Variants in OR2T34 observed in about 807,000 individuals in gnomAD.
OR2T34 encodes olfactory receptor family 2 subfamily T member 34, also known as olfactory receptor 2T34.
For missense variants in OR2T34, 200 were observed against 384.5 expected (o/e 0.52, Z 4.01); for synonymous variants, 73 against 151.2 (o/e 0.48, Z 3.79).
In OR2T34 at chr1:248,574,479, T is replaced by A. The variant is rs1659725935; in HGVS notation, c.279A>T (p.Gly93=). 6.3e-7 allele frequency: 1 copy of A among 1,583,546 alleles called. No homozygotes were observed. Among genetic ancestry groups the A allele is most frequent in the African/African-American group, 1.5e-5 (1 of 68,822 alleles). Residue 93 remains glycine (G), a synonymous_variant, in exon 1 of 1, where the codon GGA becomes GGT. Transcript: ENST00000328782. The part of the protein sequence containing the change: ...VPKMLVGQVT[G]DDTISPSGCG... ...AGCCTGACGGGGAAATGGTATCATC[T>A]CCAGTGACCTGGCCCACAAGCATCT...
At position 248,574,465 on chromosome 1, in the gene OR2T34, G is replaced by A; in HGVS notation, c.293C>T (p.Ser98Phe). 6.3e-7 allele frequency: 1 copy of A among 1,586,160 alleles called. No individual in the cohort carries two copies. The highest frequency in any genetic ancestry group is 1.1e-5 in the South Asian group (1 of 90,040). The change falls in exon 1 of 1, where the codon TCC (serine) becomes TTC (phenylalanine). Residue 98 changes from serine (S) to phenylalanine (F), a missense_variant. By Grantham distance (155) the Ser-to-Phe change is radical (BLOSUM62 -2). Transcript: ENST00000328782. ...VGQVTGDDTISPSGCGIQMFF... is the reference protein window; with the variant it reads ...VGQVTGDDTIFPSGCGIQMFF... ...CATCTGGATCCCACAGCCTGACGGG[G>A]AAATGGTATCATCTCCAGTGACCTG...
rs557304233 is a variant in OR2T34, at chr1:248,574,163, G to C, written c.595C>G (p.Leu199Val). The change falls in exon 1 of 1, where the codon CTC becomes GTC. Residue 199 changes from leucine to valine, a missense_variant. Transcript: ENST00000328782. ...CACAGGTACGTGAGCATCTTATAGA[G>C]GGAGACGTCAGAGCAGGAGAGCTTC... ...LLKLSCSDVS[L>V]YKMLTYLCCI... 1 of 1,607,076 alleles carries C rather than the reference G, an allele frequency of 6.2e-7. No homozygotes were observed. The highest frequency in any genetic ancestry group is 2.2e-5 in the East Asian group (1 of 44,874).
At position 248,574,698 on chromosome 1, in the gene OR2T34, C is replaced by T. The variant is rs562220823; in HGVS notation, c.60G>A (p.Thr20=). The T allele has an allele frequency of 3.0e-5, 47 of 1,568,366 alleles. No individual in the cohort carries two copies. The Admixed American group carries it at 6.3e-4, about 21-fold the overall frequency. The change falls in exon 1 of 1, where the codon ACG becomes ACA. Residue 20 remains threonine, a synonymous_variant. Coordinates refer to ENST00000328782, the MANE Select transcript of OR2T34 (RefSeq NM_001001821.1). The part of the protein sequence containing the change: ...NQTASTDFTL[T]GLFAESKHAA... Reference sequence around the variant, plus strand: ...CATGCTTGCTCTCAGCAAAGAGTCCCGTGAGGGTGAAATCAGTGCTTGCTG... The same window carrying T: ...CATGCTTGCTCTCAGCAAAGAGTCCTGTGAGGGTGAAATCAGTGCTTGCTG...
chr1:248,574,193 G>A lies in OR2T34; in HGVS notation c.565C>T (p.Leu189=). 14 of 1,607,570 alleles carry A rather than the reference G, an allele frequency of 8.7e-6. No individual in the cohort carries two copies. The highest frequency in any genetic ancestry group is 2.2e-5 in the East Asian group (1 of 44,860). The change falls in exon 1 of 1, where the codon CTG becomes TTG. Residue 189 remains leucine, a synonymous_variant. Transcript: ENST00000328782. The stretch of plus-strand genomic sequence containing the variant: ...ACGTCAGAGCAGGAGAGCTTCAGCA[G>A]GGCAGGAGTCTCACAGAAAAAACTC... The part of the protein sequence containing the change: ...ILSFFCETPA[L]LKLSCSDVSL...
chr1:248,574,141 A>T lies in OR2T34; in HGVS notation c.617T>A (p.Leu206Gln). The change falls in exon 1 of 1, where the codon CTG becomes CAG. Residue 206 changes from leucine to glutamine, a missense_variant. Leu to Gln is a moderately radical substitution (Grantham distance 113). Transcript: ENST00000328782. ...DVSLYKMLTY[L>Q]CCILMLLTPI... ...GGTGAGAAGCATGAGGATGCAGCACAGGTACGTGAGCATCTTATAGAGGGA... is the reference window on the plus strand; with the variant it reads ...GGTGAGAAGCATGAGGATGCAGCACTGGTACGTGAGCATCTTATAGAGGGA... 1 of 1,607,038 alleles carries T rather than the reference A, an allele frequency of 6.2e-7. No individual in the cohort carries two copies. Among genetic ancestry groups the T allele is most frequent in the South Asian group, 1.1e-5 (1 of 91,074 alleles).
At position 248,574,055 on chromosome 1, in the gene OR2T34, A is replaced by T. The variant is rs1373178251; in HGVS notation, c.703T>A (p.Ser235Thr). Reference protein sequence around the residue: ...LILHLIHRMNSAAGRRKALAT... With the variant: ...LILHLIHRMNTAAGRRKALAT... ...AAGGCCTTCCTGCGGCCGGCGGCAGAATTCATCCTGTGGATGAGATGCAGG... is the reference window on the plus strand; with the variant it reads ...AAGGCCTTCCTGCGGCCGGCGGCAGTATTCATCCTGTGGATGAGATGCAGG... Residue 235 changes from serine to threonine, a missense_variant, in exon 1 of 1, where the codon TCT becomes ACT. By Grantham distance (58) the Ser-to-Thr change is moderately conservative. Coordinates refer to ENST00000328782, the MANE Select transcript of OR2T34 (RefSeq NM_001001821.1). The T allele has an allele frequency of 6.2e-7, 1 of 1,604,236 alleles. No homozygotes were observed. Among genetic ancestry groups the T allele is most frequent in the Non-Finnish European group, 8.5e-7 (1 of 1,178,866 alleles).
chr1:248,574,314 G>A lies in OR2T34; in HGVS notation c.444C>T (p.Leu148=), dbSNP rs150241261. The A allele has an allele frequency of 2.8e-5, 44 of 1,583,442 alleles. 1 individual carries two copies. In the African/African-American group the frequency reaches 6.3e-4, roughly 23 times the overall value. Residue 148 remains leucine (L), a synonymous_variant, in exon 1 of 1, where the codon CTC becomes CTT. Coordinates refer to ENST00000328782, the MANE Select transcript of OR2T34 (RefSeq NM_001001821.1). ...PLLMNQRVCQ[L]LVSACWVLGM... is the part of the protein sequence containing the mutation. ...CCAAAACCCAGCAGGCTGACACCAG[G>A]AGCTGGCACACCCTCTGGTTCATCA...
Position 248,574,027 on chromosome 1 carries a change from G to T in OR2T34, c.731C>A (p.Ala244Asp), listed in dbSNP as rs763406374. ...TATGATCATGTGGGAGGAGCAGGTG[G>T]CCAAGGCCTTCCTGCGGCCGGCGGC... ...NSAAGRRKAL[A>D]TCSSHMIIVL... Residue 244 changes from alanine to aspartate, a missense_variant, in exon 1 of 1, where the codon GCC (alanine) becomes GAC (aspartate). Ala to Asp is a moderately radical substitution (Grantham distance 126). Transcript: ENST00000328782. 19 of 1,592,910 alleles carry T rather than the reference G, an allele frequency of 1.2e-5. No individual in the cohort carries two copies. The highest frequency in any genetic ancestry group is 1.5e-5 in the Non-Finnish European group (18 of 1,174,170).
In OR2T34 at chr1:248,574,070, T is replaced by C; in HGVS notation, c.688A>G (p.Ile230Val). The change falls in exon 1 of 1, where the codon ATC becomes GTC. Residue 230 changes from isoleucine to valine, a missense_variant. Ile to Val is a conservative substitution (Grantham distance 29). Transcript: ENST00000328782. The part of the protein sequence containing the change: ...SSSYTLILHL[I>V]HRMNSAAGRR... ...CCGGCGGCAGAATTCATCCTGTGGA[T>C]GAGATGCAGGATGAGGGTGTATGAG... is the stretch of plus-strand genomic sequence containing the variant. 6.2e-7 allele frequency: 1 copy of C among 1,600,898 alleles called. No individual in the cohort carries two copies. The highest frequency in any genetic ancestry group is 1.1e-5 in the South Asian group (1 of 90,936).
chr1:248,574,135 C>A lies in OR2T34; in HGVS notation c.623G>T (p.Cys208Phe), dbSNP rs775871954. The A allele has an allele frequency of 2.8e-5, 45 of 1,606,876 alleles. No homozygotes were observed. The East Asian group carries it at 9.8e-4, about 35-fold the overall frequency. ...GATGGGGGTGAGAAGCATGAGGATG[C>A]AGCACAGGTACGTGAGCATCTTATA... is the stretch of plus-strand genomic sequence containing the variant. Reference protein sequence around the residue: ...SLYKMLTYLCCILMLLTPIMV... With the variant: ...SLYKMLTYLCFILMLLTPIMV... Residue 208 changes from cysteine (C) to phenylalanine (F), a missense_variant, in exon 1 of 1, where the codon TGC (cysteine) becomes TTC (phenylalanine). Physicochemically the swap from Cys to Phe is radical, Grantham distance 205 (BLOSUM62 -2). Transcript: ENST00000328782.
In OR2T34 at chr1:248,574,011, G is replaced by C. The variant is rs143585056; in HGVS notation, c.747C>G (p.His249Gln). The change falls in exon 1 of 1, where the codon CAC (histidine) becomes CAG (glutamine). Residue 249 changes from histidine to glutamine, a missense_variant. Coordinates refer to ENST00000328782, the MANE Select transcript of OR2T34 (RefSeq NM_001001821.1). The stretch of plus-strand genomic sequence containing the variant: ...CGAAGAGCAGCAGCACTATGATCAT[G>C]TGGGAGGAGCAGGTGGCCAAGGCCT... ...RRKALATCSS[H>Q]MIIVLLLFGA... 9.5e-6 allele frequency: 15 copies of C among 1,585,274 alleles called. No individual in the cohort carries two copies. Among genetic ancestry groups the C allele is most frequent in the South Asian group, 4.4e-5 (4 of 90,464 alleles).
rs1659714008 is a variant in OR2T34, at chr1:248,574,104, G to T, written c.654C>A (p.Val218=). The T allele has an allele frequency of 6.2e-7, 1 of 1,606,632 alleles. No individual in the cohort carries two copies. Among genetic ancestry groups the T allele is most frequent in the Non-Finnish European group, 8.5e-7 (1 of 1,179,740 alleles). Residue 218 remains valine (V), a synonymous_variant, in exon 1 of 1, where the codon GTC becomes GTA. Transcript: ENST00000328782. ...CILMLLTPIM[V]ISSSYTLILH... ...GGATGAGGGTGTATGAGCTGGAGATGACCATGATGGGGGTGAGAAGCATGA... is the reference window on the plus strand; with the variant it reads ...GGATGAGGGTGTATGAGCTGGAGATTACCATGATGGGGGTGAGAAGCATGA...
In OR2T34 at chr1:248,574,229, T is replaced by C. The variant is rs1659718791; in HGVS notation, c.529A>G (p.Arg177Gly). The part of the protein sequence containing the change: ...ITMSFPFCQS[R>G]KILSFFCETP... ...TCACAGAAAAAACTCAGGATTTTCCTAGACTGGCAAAAGGGGAAGCTCATG... is the reference window on the plus strand; with the variant it reads ...TCACAGAAAAAACTCAGGATTTTCCCAGACTGGCAAAAGGGGAAGCTCATG... Residue 177 changes from arginine (R) to glycine (G), a missense_variant, in exon 1 of 1, where the codon AGG becomes GGG. Arg to Gly is a moderately radical substitution (Grantham distance 125, BLOSUM62 -2). Transcript: ENST00000328782. 1 of 1,606,296 alleles carries C rather than the reference T, an allele frequency of 6.2e-7. No homozygotes were observed.
rs757743245 is a variant in OR2T34 at position 248,574,177 on chromosome 1, C to G, written c.581G>C (p.Cys194Ser). Residue 194 changes from cysteine (C) to serine (S), a missense_variant, in exon 1 of 1, where the codon TGC becomes TCC. By Grantham distance (112) the Cys-to-Ser change is moderately radical (BLOSUM62 -1). Coordinates refer to ENST00000328782, the MANE Select transcript of OR2T34 (RefSeq NM_001001821.1). The part of the protein sequence containing the change: ...CETPALLKLS[C>S]SDVSLYKMLT... ...CATCTTATAGAGGGAGACGTCAGAG[C>G]AGGAGAGCTTCAGCAGGGCAGGAGT... The G allele has an allele frequency of 6.2e-7, 1 of 1,607,396 alleles. No individual in the cohort carries two copies. The highest frequency in any genetic ancestry group is 8.5e-7 in the Non-Finnish European group (1 of 1,179,670).
chr1:248,574,178 A>C lies in OR2T34; in HGVS notation c.580T>G (p.Cys194Gly). ...ATCTTATAGAGGGAGACGTCAGAGC[A>C]GGAGAGCTTCAGCAGGGCAGGAGTC... ...CETPALLKLS[C>G]SDVSLYKMLT... The change falls in exon 1 of 1, where the codon TGC (cysteine) becomes GGC (glycine). Residue 194 changes from cysteine to glycine, a missense_variant. Coordinates refer to ENST00000328782, the MANE Select transcript of OR2T34 (RefSeq NM_001001821.1). The C allele has an allele frequency of 1.2e-6, 2 of 1,607,488 alleles. No homozygotes were observed. Among genetic ancestry groups the C allele is most frequent in the East Asian group, 2.2e-5 (1 of 44,870 alleles).
In OR2T34 at chr1:248,574,424, G is replaced by T. The variant is rs1169047264; in HGVS notation, c.334C>A (p.Leu112Met). Residue 112 changes from leucine to methionine, a missense_variant, in exon 1 of 1, where the codon CTG becomes ATG. Coordinates refer to ENST00000328782, the MANE Select transcript of OR2T34 (RefSeq NM_001001821.1). The part of the protein sequence containing the change: ...CGIQMFFHLT[L>M]AGAEVFLLAA... ...AGGAGGAAAACCTCAGCTCCAGCCAGGGTCAGGTGGAAGAACATCTGGATC... is the reference window on the plus strand; with the variant it reads ...AGGAGGAAAACCTCAGCTCCAGCCATGGTCAGGTGGAAGAACATCTGGATC... 6.3e-7 allele frequency: 1 copy of T among 1,588,028 alleles called. No individual in the cohort carries two copies. Among genetic ancestry groups the T allele is most frequent in the African/African-American group, 1.4e-5 (1 of 70,534 alleles).
In OR2T34 at chr1:248,573,992, G is replaced by A. The variant is rs200427293; in HGVS notation, c.766C>T (p.Leu256Phe). 0.16 allele frequency: 202,962 copies of A among 1,274,588 alleles called. 2,759 individuals carry two copies. Among genetic ancestry groups the A allele is most frequent in the African/African-American group, 0.36 (17,669 of 49,348 alleles). 79.0% of individuals were successfully genotyped at this position (1,274,588 alleles called of 1,614,324 possible). A position where few individuals can be genotyped will look rare whatever the true frequency, so the allele number is the denominator to read the frequency against. Residue 256 changes from leucine to phenylalanine, a missense_variant, in exon 1 of 1, where the codon CTC becomes TTC. By Grantham distance (22) the Leu-to-Phe change is conservative (BLOSUM62 0). Transcript: ENST00000328782. ...CSSHMIIVLLLFGASFYTYML... is the reference protein window; with the variant it reads ...CSSHMIIVLLFFGASFYTYML... ...TAGGTGTAGAAGGAAGCACCGAAGA[G>A]CAGCAGCACTATGATCATGTGGGAG...
chr1:248,574,159 T>A lies in OR2T34; in HGVS notation c.599A>T (p.Tyr200Phe), dbSNP rs541813399. 3 of 1,606,946 alleles carry A rather than the reference T, an allele frequency of 1.9e-6. No homozygotes were observed. The South Asian group carries it at 3.3e-5, about 18-fold the overall frequency. Residue 200 changes from tyrosine (Y) to phenylalanine (F), a missense_variant, in exon 1 of 1, where the codon TAT (tyrosine) becomes TTT (phenylalanine). Physicochemically the swap from Tyr to Phe is conservative, Grantham distance 22. Transcript: ENST00000328782. ...LKLSCSDVSL[Y>F]KMLTYLCCIL... is the part of the protein sequence containing the mutation. ...GCAGCACAGGTACGTGAGCATCTTA[T>A]AGAGGGAGACGTCAGAGCAGGAGAG...
rs61833441 is a variant in OR2T34 at position 248,574,042 on chromosome 1, C to A, written c.716G>T (p.Arg239Leu). The change falls in exon 1 of 1, where the codon CGC becomes CTC. Residue 239 changes from arginine (R) to leucine (L), a missense_variant. Arg to Leu is a moderately radical substitution (Grantham distance 102, BLOSUM62 -2). Transcript: ENST00000328782. ...GGAGCAGGTGGCCAAGGCCTTCCTG[C>A]GGCCGGCGGCAGAATTCATCCTGTG... ...LIHRMNSAAG[R>L]RKALATCSSH... is the part of the protein sequence containing the mutation. The A allele has an allele frequency of 6.5e-6, 10 of 1,550,122 alleles. No individual in the cohort carries two copies. The highest frequency in any genetic ancestry group is 7.9e-6 in the Non-Finnish European group (9 of 1,138,234).
Sources: gnomAD v4.1 joint callset for allele counts on GRCh38, gnomAD v4.1.1 for gene constraint, MANE v1.5 for transcripts, NCBI Gene and HGNC (gene_info 2026-07-23, HGNC 2026-07-21) for gene names.